PXDNL: variants seen among roughly 807,000 people sequenced by gnomAD.
PXDNL encodes probable oxidoreductase PXDNL.
PXDNL carries 145 observed loss-of-function variants against 150.8 expected under a neutral mutation model. That is an observed-to-expected ratio of 0.96 (90% confidence interval 0.84 to 1.10). The LOEUF (loss-of-function observed/expected upper bound fraction) is 1.10. PXDNL is among the 50% of genes least tolerant of loss of function. The pLI, the probability that PXDNL is intolerant of heterozygous loss-of-function variation, is 0.00. For synonymous variants in PXDNL, 757 were observed against 725.7 expected (o/e 1.04, Z -0.69); for missense variants, 2,087 against 1,873.9 (o/e 1.11, Z -2.10).
intron 1 of PXDNL, among the ~76,000 whole-genome samples, chr8:51,690,661 T>TTA (rs1815974385): frequency 6.6e-6 from 1 of 152,166 alleles, no homozygotes; most frequent in Admixed American, 6.5e-5. Context: ...GCAGTATGAT[T>TTA]TATAGTCCTT....
Position 51,489,762 on chromosome 8 carries a change from A to G in PXDNL, c.453-6048T>C, listed in dbSNP as rs142855027. Among the ~76,000 whole-genome samples, 11 of 152,336 alleles carry G rather than the reference A, an allele frequency of 7.2e-5. No homozygotes were observed. In the East Asian group the frequency reaches 1.5e-3, roughly 21 times the overall value. On this transcript the variant is annotated intron_variant, in intron 5 of 22. Transcript: ENST00000356297. Reference sequence around the variant, plus strand: ...TCTTGAACTTATAATTTTATAACAGACAACCTATCAACTAATTATGAGGAA... The same window carrying G: ...TCTTGAACTTATAATTTTATAACAGGCAACCTATCAACTAATTATGAGGAA...
chr8:51,489,469 T>C (rs1054093323), intron 5 of PXDNL, among the ~76,000 whole-genome samples: 1 of 152,132 alleles, frequency 6.6e-6, no homozygotes, highest in Non-Finnish European at 1.5e-5. Flanking sequence ...GTGCCTGCCA[T>C]CATGCTCAGC....
At chr8:51,618,279 C>T (rs1814172125) in intron 2 of PXDNL, among the ~76,000 whole-genome samples, 1 of 152,220 alleles carries the variant, frequency 6.6e-6, no homozygotes, top group Admixed American at 6.5e-5. Context: ...ACCTGGAAAT[C>T]AGCGGGTGTT....
At chr8:51,343,892 G>C (rs1478956945) in intron 20 of PXDNL, among the ~76,000 whole-genome samples, 4 of 152,150 alleles carry the variant, frequency 2.6e-5, no homozygotes, top group South Asian at 4.1e-4. Flanking sequence ...TTTAAAAATG[G>C]TTCTCACTAG....
rs117847452 is a variant in PXDNL at position 51,513,370 on chromosome 8, C to A, written c.381-13600G>T. ...CCTTGTGAAAGTTGCTTCAGGGCCA[C>A]CCCGAGCATGAAGGTGGTGGGCCCA... On this transcript the variant is annotated intron_variant, in intron 4 of 22. Transcript: ENST00000356297. Among the ~76,000 whole-genome samples the A allele has an allele frequency of 8.2e-3, 1,251 of 152,300 alleles. 8 individuals carry two copies. The highest frequency in any genetic ancestry group is 0.014 in the Middle Eastern group (4 of 294).
intron 1 of PXDNL, among the ~76,000 whole-genome samples, chr8:51,660,146 T>C (rs1258642931): frequency 6.6e-6 from 1 of 151,876 alleles, no homozygotes; most frequent in Non-Finnish European, 1.5e-5. Context: ...CACCTAGGCC[T>C]CCCAAAGTGC....
At chr8:51,361,541 G>A (rs1306284423) in intron 19 of PXDNL, among the ~76,000 whole-genome samples, 1 of 152,170 alleles carries the variant, frequency 6.6e-6, no homozygotes, top group Non-Finnish European at 1.5e-5. Flanking sequence ...ACATTTGCAT[G>A]TATAAATATC....
intron 1 of PXDNL, among the ~76,000 whole-genome samples, chr8:51,784,297 C>A (rs2037441201): frequency 6.6e-6 from 1 of 152,202 alleles, no homozygotes; most frequent in African/African-American, 2.4e-5. Context: ...ACCAAGGAAC[C>A]AAACTGCATA....
intron 17 of PXDNL, 44 bp downstream of exon 17, chr8:51,408,023 T>G: frequency 6.6e-7 from 1 of 1,512,040 alleles, no homozygotes; most frequent in Non-Finnish European, 8.9e-7. Context: ...CACTTTTACC[T>G]CTCCTAAGAA....
At chr8:51,462,322 C>A (rs1457003824) in intron 8 of PXDNL, among the ~76,000 whole-genome samples, 1 of 152,088 alleles carries the variant, frequency 6.6e-6, no homozygotes, top group Non-Finnish European at 1.5e-5. Context: ...GCTGAAATGA[C>A]AGACATAAAA....
intron 6 of PXDNL, 86 bp from the exon 7 acceptor site, chr8:51,475,227 C>T: frequency 7.8e-7 from 1 of 1,281,212 alleles, no homozygotes; most frequent in East Asian, 2.4e-5. Context: ...TTTAATTTCC[C>T]CTGATTTACC....
intron 1 of PXDNL, among the ~76,000 whole-genome samples, chr8:51,776,535 A>G (rs1585742227): frequency 1.3e-5 from 2 of 152,164 alleles, no homozygotes; most frequent in Admixed American, 1.3e-4. Context: ...GTTTCCCCCA[A>G]TAACCCTGAC....
intron 17 of PXDNL, among the ~76,000 whole-genome samples, chr8:51,406,699 C>A (rs1243445317): frequency 2.6e-5 from 4 of 152,096 alleles, no homozygotes; most frequent in Non-Finnish European, 5.9e-5. Context: ...TTGCTGTGAG[C>A]CTTCCATTTC....
intron 1 of PXDNL, among the ~76,000 whole-genome samples, chr8:51,785,008 C>T (rs1218821536): frequency 1.3e-5 from 2 of 152,140 alleles, no homozygotes; most frequent in African/African-American, 2.4e-5. Flanking sequence ...ACAACCAAGA[C>T]ACATTTTAAG....
In PXDNL at chr8:51,394,358, T is replaced by C. The variant is rs373010751; in HGVS notation, c.3557+13709A>G. On this transcript the variant is annotated intron_variant, in intron 17 of 22. Transcript: ENST00000356297. ...ACCTAAGAGGTTAACAAGAAAAATA[T>C]GGCTTCCATTTGGGGACTTTTTTGA... 1.1e-3 allele frequency among the ~76,000 whole-genome samples: 172 copies of C among 152,302 alleles called. 2 individuals carry two copies. The highest frequency in any genetic ancestry group is 2.3e-3 in the South Asian group (11 of 4,824).
intron 1 of PXDNL, among the ~76,000 whole-genome samples, chr8:51,764,001 T>C (rs898018221): frequency 4.6e-5 from 7 of 152,222 alleles, no homozygotes; most frequent in African/African-American, 1.7e-4. Flanking sequence ...GTTATAGATA[T>C]ATCCACTCAG....
At chr8:51,401,909 T>C (rs761002558) in intron 17 of PXDNL, among the ~76,000 whole-genome samples, 17 of 152,188 alleles carry the variant, frequency 1.1e-4, no homozygotes, top group Non-Finnish European at 2.4e-4. Flanking sequence ...GTGGTGTCGA[T>C]GCAAGGTCTT....
chr8:51,668,176 C>CTTTTTTTTTTTTTT (rs71550279), intron 1 of PXDNL, among the ~76,000 whole-genome samples: 3,187 of 77,148 alleles, frequency 0.041, 669 homozygotes, highest in Middle Eastern at 0.076. Flanking sequence ...CTCGCTCTCT[C>CTTTTTTTTTTTTTT]TTTTTTTTTT....
intron 10 of PXDNL, among the ~76,000 whole-genome samples, chr8:51,452,842 A>G (rs564242390): frequency 2.1e-4 from 32 of 152,090 alleles, no homozygotes; most frequent in Non-Finnish European, 4.4e-4. Context: ...TATGACTCCA[A>G]TAGCACTTAT....
Sources: gnomAD v4.1 joint callset for allele counts (sites outside exome capture counted in the v4.1 genomes callset) on GRCh38, gnomAD v4.1.1 for gene constraint, MANE v1.5 for transcripts, NCBI Gene and HGNC (gene_info 2026-07-23, HGNC 2026-07-21) for gene names.